ZNF280C: variants seen among roughly 807,000 people sequenced by gnomAD.
ZNF280C encodes the protein zinc finger protein 280C.
Under a neutral mutation model 53.6 loss-of-function variants are expected in ZNF280C, and 14 were observed. The observed-to-expected ratio is 0.26, with a 90% CI of 0.17 to 0.41. ZNF280C has a LOEUF of 0.41. Ranked by LOEUF, ZNF280C falls within the 10% of genes least tolerant of loss-of-function variation. The pLI is 1.00. For synonymous variants in ZNF280C, 203 were observed against 181.1 expected, an observed-to-expected ratio of 1.12 and a Z score of -0.97; for missense variants, 416 against 547.1, an observed-to-expected ratio of 0.76 and a Z score of 2.39.
intron 5 of ZNF280C, among the ~76,000 whole-genome samples, chrX:130,243,169 GGTTT>G (rs1023496416): frequency 1.8e-5 from 2 of 110,993 alleles, no homozygotes; most frequent in Non-Finnish European, 3.8e-5. Context: ...CAATTTTTTG[GGTTT>G]GTTTGTGTTG....
At chrX:130,224,115 T>G (rs1225361706) in intron 12 of ZNF280C, among the ~76,000 whole-genome samples, 1 of 111,887 alleles carries the variant, frequency 8.9e-6, no homozygotes, top group African/African-American at 3.3e-5. Context: ...TAATTTTCAA[T>G]GTAATAGTAT....
intron 13 of ZNF280C, 99 bp from the exon 14 acceptor site, chrX:130,216,200 T>C (rs1406277608): frequency 1.0e-5 from 8 of 799,336 alleles, no homozygotes; most frequent in Admixed American, 3.4e-5. Flanking sequence ...TACGGTAAAC[T>C]GGCAAGGGTC....
chrX:130,205,434 CAGTA>C lies in ZNF280C; in HGVS notation c.2043-23_2043-20del. ...AATGCCCCTATGAAAAAAAAGAAGA[CAGTA>C]AGAAATATTCTTATCATTTATGAAA... On this transcript the variant is annotated intron_variant, in intron 16 of 18. Coordinates refer to ENST00000370978, the MANE Select transcript of ZNF280C (RefSeq NM_017666.5). The C allele has an allele frequency of 9.6e-7, 1 of 1,037,618 alleles. No individual in the cohort carries two copies. The highest frequency in any genetic ancestry group is 1.3e-6 in the Non-Finnish European group (1 of 753,328). 85.5% of individuals were successfully genotyped at this position (1,037,618 alleles called of 1,213,427 possible).
intron 10 of ZNF280C, 51 bp downstream of exon 10, chrX:130,228,926 C>G (rs763977470): frequency 5.6e-6 from 6 of 1,062,262 alleles, no homozygotes; most frequent in Non-Finnish European, 6.2e-6. Context: ...CCTCACAGTT[C>G]GGATGATCAA....
Position 130,246,844 on chromosome X carries a change from A to T in ZNF280C, c.178+15T>A. ...CATCTTATGAAACGTTACTTCACTGAAAGTAAATGCTTACTTGAAATGGCT... is the reference window on the plus strand; with the variant it reads ...CATCTTATGAAACGTTACTTCACTGTAAGTAAATGCTTACTTGAAATGGCT... On this transcript the variant is annotated intron_variant, in intron 3 of 18. Coordinates refer to ENST00000370978, the MANE Select transcript of ZNF280C (RefSeq NM_017666.5). 8.3e-7 allele frequency: 1 copy of T among 1,203,195 alleles called. No homozygotes were observed. The highest frequency in any genetic ancestry group is 1.1e-6 in the Non-Finnish European group (1 of 892,222).
intron 2 of ZNF280C, among the ~76,000 whole-genome samples, chrX:130,249,426 A>G (rs1295445189): frequency 8.9e-6 from 1 of 112,167 alleles, no homozygotes; most frequent in Admixed American, 9.5e-5. Context: ...GCGTGCTGGG[A>G]CAAGAGGTCC....
chrX:130,228,842 AT>A (rs1169715133), intron 10 of ZNF280C, 134 bp downstream of exon 10: 398 of 580,289 alleles, frequency 6.9e-4, no homozygotes, highest in Non-Finnish European at 8.0e-4. Flanking sequence ...AAAAGTTATG[AT>A]TTTTTTTTTC....
chrX:130,227,694 T>C lies in ZNF280C; in HGVS notation c.1236A>G (p.Pro412=), dbSNP rs1334121395. The C allele has an allele frequency of 1.7e-6, 2 of 1,190,905 alleles. No homozygotes were observed. Among genetic ancestry groups the C allele is most frequent in the Non-Finnish European group, 2.3e-6 (2 of 878,582 alleles). ...MKDTHKPGEM[P]YVCQVCQFRS... is the part of the protein sequence containing the mutation. ...AATGTGTGTGTACCTGGCAAACATA[T>C]GGCATTTCACCAGGTTTATGGGTGT... Residue 412 remains proline (P), a synonymous_variant, in exon 11 of 19, where the codon CCA becomes CCG. Transcript: ENST00000370978.
At chrX:130,247,281 G>C (rs923548414) in intron 2 of ZNF280C, among the ~76,000 whole-genome samples, 2 of 110,675 alleles carry the variant, frequency 1.8e-5, no homozygotes, top group Non-Finnish European at 3.8e-5. Context: ...GTTAATTTTT[G>C]TATTTTTCGT....
intron 15 of ZNF280C, among the ~76,000 whole-genome samples, chrX:130,213,657 T>C (rs1282220170): frequency 9.0e-6 from 1 of 111,698 alleles, no homozygotes; most frequent in Non-Finnish European, 1.9e-5. Flanking sequence ...GAAAAAGGGG[T>C]CAAGACTCTG....
chrX:130,216,968 CCAGCCTGGG>C (rs2032111359), intron 13 of ZNF280C, among the ~76,000 whole-genome samples: 1 of 111,491 alleles, frequency 9.0e-6, no homozygotes, highest in Admixed American at 9.5e-5. Context: ...CCACTGCACT[CCAGCCTGGG>C]CAACACGGCA....
chrX:130,261,075 A>G (rs767689334), intron 1 of ZNF280C, among the ~76,000 whole-genome samples: 6 of 112,184 alleles, frequency 5.3e-5, no homozygotes, highest in Non-Finnish European at 9.4e-5. Flanking sequence ...TTGCGTAGTA[A>G]AACAATTCAT....
intron 1 of ZNF280C, among the ~76,000 whole-genome samples, chrX:130,268,508 C>T (rs2032715085): frequency 8.9e-6 from 1 of 111,991 alleles, no homozygotes; most frequent in South Asian, 3.7e-4. Context: ...GCCCGCGAAA[C>T]CACTGCCCGC....
rs1393832013 is a variant in ZNF280C, at chrX:130,251,874, G to A, written c.32-4869C>T. Among the ~76,000 whole-genome samples, 3 of 111,693 alleles carry A rather than the reference G, an allele frequency of 2.7e-5. No individual in the cohort carries two copies. In the East Asian group the frequency reaches 8.4e-4, roughly 31 times the overall value. ...CACGACCTTAATCCCAGCACTCTGG[G>A]AGGCCGGGGTGGGCGGATCACTTGA... On this transcript the variant is annotated intron_variant, in intron 2 of 18. Coordinates refer to ENST00000370978, the MANE Select transcript of ZNF280C (RefSeq NM_017666.5).
chrX:130,250,209 T>TAC (rs2032492973), intron 2 of ZNF280C, among the ~76,000 whole-genome samples: 1 of 111,647 alleles, frequency 9.0e-6, no homozygotes, highest in Non-Finnish European at 1.9e-5. Context: ...TTTAACATCC[T>TAC]ACCATGACAA....
At chrX:130,221,614 G>C (rs1466369722) in intron 12 of ZNF280C, among the ~76,000 whole-genome samples, 1 of 110,611 alleles carries the variant, frequency 9.0e-6, no homozygotes, top group Non-Finnish European at 1.9e-5. Flanking sequence ...AAAAACACTT[G>C]GTCACTCTTA....
At chrX:130,250,914 C>T (rs2032500682) in intron 2 of ZNF280C, among the ~76,000 whole-genome samples, 1 of 109,650 alleles carries the variant, frequency 9.1e-6, no homozygotes, top group South Asian at 3.9e-4. Flanking sequence ...GGATAGGTAA[C>T]ATGGTGAAAC....
intron 2 of ZNF280C, among the ~76,000 whole-genome samples, chrX:130,250,729 G>A (rs187538832): frequency 2.9e-4 from 32 of 111,947 alleles, no homozygotes; most frequent in Non-Finnish European, 5.3e-4. Flanking sequence ...TATTCCTACC[G>A]AAAGTCCTTC....
At chrX:130,214,880 C>T (rs2032082531) in intron 15 of ZNF280C, among the ~76,000 whole-genome samples, 1 of 111,593 alleles carries the variant, frequency 9.0e-6, no homozygotes, top group Admixed American at 9.5e-5. Flanking sequence ...ATTGAAAACA[C>T]TTAACATTTT....
Sources: allele counts gnomAD v4.1 joint callset (sites outside exome capture counted in the v4.1 genomes callset), GRCh38; gene constraint gnomAD v4.1.1; transcripts MANE v1.5; gene names NCBI Gene and HGNC (gene_info 2026-07-23, HGNC 2026-07-21).